The following PSMA3 variants were observed in gnomAD, a reference collection of about 807,000 sequenced individuals.
PSMA3 encodes the protein proteasome 20S subunit alpha 3.
In PSMA3, 8 loss-of-function variants were observed where a neutral mutation model predicts 40.0. The ratio of observed to expected loss-of-function variants is 0.20; its 90% confidence interval spans 0.12 to 0.36. The LOEUF (loss-of-function observed/expected upper bound fraction) is 0.36. PSMA3 is among the 10% of genes least tolerant of loss of function. The pLI is 1.00. For missense variants in PSMA3, 219 were observed against 310.6 expected, an observed-to-expected ratio of 0.70 and a Z score of 2.22; for synonymous variants, 110 against 100.0, an observed-to-expected ratio of 1.10 and a Z score of -0.59.
chr14:58,261,108 TA>T (rs113018196), intron 6 of PSMA3, 88 bp downstream of exon 6: 204 of 897,690 alleles, frequency 2.3e-4, no homozygotes, highest in South Asian at 7.3e-4. Flanking sequence ...TATATGAAAT[TA>T]AAAAAAAACT....
chr14:58,260,354 A>G (rs1175515813), intron 5 of PSMA3, among the ~76,000 whole-genome samples: 1 of 152,228 alleles, frequency 6.6e-6, no homozygotes, highest in Non-Finnish European at 1.5e-5. Flanking sequence ...TACAGAAGCA[A>G]TGTTTTTTGA....
At chr14:58,266,806 ATATAG>A (rs1355069594) in intron 7 of PSMA3, 1 of 152,176 alleles carries the variant, frequency 6.6e-6, no homozygotes, top group Non-Finnish European at 1.5e-5. Flanking sequence ...TGTATCTTGC[ATATAG>A]TAAATATTAA....
intron 8 of PSMA3, chr14:58,268,196 T>A (rs534340399): frequency 5.3e-5 from 8 of 152,194 alleles, no homozygotes; most frequent in African/African-American, 1.9e-4. Context: ...AGACATTTGG[T>A]ATTACAAAAA....
At chr14:58,261,043 A>G (rs1766668714) in intron 6 of PSMA3, 23 bp downstream of exon 6, 1 of 1,529,488 alleles carries the variant, frequency 6.5e-7, no homozygotes, top group South Asian at 1.1e-5. Flanking sequence ...GAATCATTTG[A>G]AATTCTATTT....
Position 58,271,871 on chromosome 14 carries a change from T to C in PSMA3, c.744T>C (p.Asp248=). The change falls in exon 11 of 11, where the codon GAT becomes GAC. Residue 248 remains aspartate, a synonymous_variant. Transcript: ENST00000216455. ...AACAGGAATCTCTGAAGGAAGAAGA[T>C]GAATCAGATGATGATAATATGTAAC... is the stretch of plus-strand genomic sequence containing the variant. ...KYAKESLKEE[D]ESDDDNM is the part of the protein sequence containing the mutation. 6.3e-7 allele frequency: 1 copy of C among 1,597,574 alleles called. No individual in the cohort carries two copies. The highest frequency in any genetic ancestry group is 2.2e-5 in the East Asian group (1 of 44,736).
intron 5 of PSMA3, 143 bp downstream of exon 5, chr14:58,258,141 A>G (rs993402451): frequency 7.8e-6 from 5 of 640,764 alleles, no homozygotes; most frequent in South Asian, 6.9e-5. Flanking sequence ...AACAGTGTAC[A>G]TAGAAACTAC....
At chr14:58,266,070 A>G (rs1426035063) in intron 7 of PSMA3, 1 of 152,184 alleles carries the variant, frequency 6.6e-6, no homozygotes, top group Non-Finnish European at 1.5e-5. Flanking sequence ...CAAACTATCA[A>G]GGTTCGCATT....
intron 5 of PSMA3, among the ~76,000 whole-genome samples, chr14:58,259,409 G>T (rs974837323): frequency 1.3e-5 from 2 of 152,058 alleles, no homozygotes; most frequent in Non-Finnish European, 2.9e-5. Context: ...CTGCCTCCCG[G>T]GTTCAAGCTA....
In PSMA3 at chr14:58,258,081, T is replaced by C. The variant is rs1890187957; in HGVS notation, c.404+83T>C. ...TTCCCCAGCATCTTAGCCTTTTACA[T>C]ACTTAAAAATAGAAACTCGTCGATA... On this transcript the variant is annotated intron_variant, in intron 5 of 10. Coordinates refer to ENST00000216455, the MANE Select transcript of PSMA3 (RefSeq NM_002788.4). The C allele has an allele frequency of 2.5e-5, 27 of 1,061,576 alleles. No homozygotes were observed. The South Asian group carries it at 3.4e-4, about 13-fold the overall frequency. The allele number at this position is 1,061,576 out of a possible 1,614,324, so 65.8% of individuals were successfully genotyped here.
At chr14:58,261,561 A>T (rs755936907) in intron 6 of PSMA3, among the ~76,000 whole-genome samples, 13 of 152,164 alleles carry the variant, frequency 8.5e-5, no homozygotes, top group Non-Finnish European at 1.8e-4. Context: ...TGTATAGTGC[A>T]TATAGTATTT....
chr14:58,269,138 T>C (rs1282962254), intron 8 of PSMA3, among the ~76,000 whole-genome samples: 1 of 152,114 alleles, frequency 6.6e-6, no homozygotes, highest in Non-Finnish European at 1.5e-5. Context: ...TTTACCATCT[T>C]GGCCAGGCTG....
chr14:58,258,602 A>T (rs1890202309), intron 5 of PSMA3: 1 of 152,100 alleles, frequency 6.6e-6, no homozygotes, highest in Non-Finnish European at 1.5e-5. Context: ...ATTACGTCTC[A>T]CAATTCCCAT....
chr14:58,267,667 C>A, intron 8 of PSMA3, 147 bp downstream of exon 8: 2 of 1,237,630 alleles, frequency 1.6e-6, no homozygotes, highest in Non-Finnish European at 2.0e-6. Context: ...TAAGAAGCCT[C>A]ACGAAGGAAG....
At chr14:58,265,558 C>T (rs930170227) in intron 7 of PSMA3, 5 of 152,162 alleles carry the variant, frequency 3.3e-5, no homozygotes, top group African/African-American at 1.2e-4. Context: ...GAACAGAAAC[C>T]AGAGCCATAC....
At chr14:58,266,631 C>T (rs1289007753) in intron 7 of PSMA3, 2 of 152,178 alleles carry the variant, frequency 1.3e-5, no homozygotes, top group Non-Finnish European at 2.9e-5. Context: ...TTTTGGCTTC[C>T]CACTTCTGCT....
At chr14:58,258,794 CAT>C (rs1890205833) in intron 5 of PSMA3, among the ~76,000 whole-genome samples, 2 of 151,002 alleles carry the variant, frequency 1.3e-5, no homozygotes, top group South Asian at 4.1e-4. Flanking sequence ...AACAGTCAAA[CAT>C]GTTTGGTCAA....
intron 3 of PSMA3, among the ~76,000 whole-genome samples, chr14:58,253,817 C>G (rs1358784134): frequency 1.3e-5 from 2 of 152,166 alleles, no homozygotes; most frequent in African/African-American, 4.8e-5. Context: ...TGGTCTCGGA[C>G]TCCTGAACTC....
At chr14:58,258,021 C>G (rs770195690) in intron 5 of PSMA3, 23 bp downstream of exon 5, 2 of 1,558,566 alleles carry the variant, frequency 1.3e-6, no homozygotes, top group South Asian at 1.1e-5. Context: ...GTGAATTATT[C>G]AAAAGGCAGA....
At chr14:58,259,670 A>G (rs980776013) in intron 5 of PSMA3, among the ~76,000 whole-genome samples, 1 of 152,226 alleles carries the variant, frequency 6.6e-6, no homozygotes, top group Non-Finnish European at 1.5e-5. Context: ...ATGTGGAGAC[A>G]CAGGTGTGAA....
Sources: allele counts gnomAD v4.1 joint callset (sites outside exome capture counted in the v4.1 genomes callset), GRCh38; gene constraint gnomAD v4.1.1; transcripts MANE v1.5; gene names NCBI Gene and HGNC (gene_info 2026-07-23, HGNC 2026-07-21).